Variants in PTPRD observed in about 807,000 individuals in gnomAD.
PTPRD encodes protein tyrosine phosphatase receptor type D.
In PTPRD, 34 loss-of-function variants were observed where a neutral mutation model predicts 214.5. The observed-to-expected ratio is 0.16, with a 90% CI of 0.12 to 0.21. The LOEUF is 0.21. Among genes scored for constraint, PTPRD ranks in the 10% least tolerant of loss-of-function variants. PTPRD has a pLI of 1.00. For missense variants in PTPRD, 2,545 were observed against 2,398.7 expected (o/e 1.06, Z -1.27); for synonymous variants, 1,128 against 845.7 (o/e 1.33, Z -5.79).
intron 8 of PTPRD, among the ~76,000 whole-genome samples, chr9:9,422,541 G>C (rs2079195622): frequency 6.6e-6 from 1 of 152,064 alleles, no homozygotes; most frequent in African/African-American, 2.4e-5. Context: ...TAAATTCATT[G>C]GACGTAAGAC....
intron 2 of PTPRD, among the ~76,000 whole-genome samples, chr9:10,382,449 T>C (rs994369410): frequency 3.3e-5 from 5 of 152,042 alleles, no homozygotes; most frequent in Middle Eastern, 3.4e-3. Flanking sequence ...TAGCCATTTT[T>C]ATTTCCACAA....
chr9:9,664,933 T>C (rs928445528), intron 7 of PTPRD, among the ~76,000 whole-genome samples: 1 of 151,748 alleles, frequency 6.6e-6, no homozygotes, highest in Non-Finnish European at 1.5e-5. Flanking sequence ...CAGAAACTTG[T>C]ATTTTAAAAT....
At chr9:9,819,617 C>T (rs78362025) in intron 5 of PTPRD, among the ~76,000 whole-genome samples, 15,104 of 152,094 alleles carry the variant, frequency 0.099, 2,284 homozygotes, top group East Asian at 0.74. Flanking sequence ...CACCCAGGTA[C>T]TGAGCATAGT....
intron 10 of PTPRD, among the ~76,000 whole-genome samples, chr9:9,104,521 A>C (rs890865374): frequency 6.6e-6 from 1 of 152,184 alleles, no homozygotes; most frequent in Non-Finnish European, 1.5e-5. Flanking sequence ...TCAAATTTGC[A>C]AAACCGTTAT....
In PTPRD at chr9:8,316,913, T is replaced by TCAG. The variant is rs899395030; in HGVS notation, c.*960_*961insCTG. 1.1e-4 allele frequency: 24 copies of TCAG among 227,134 alleles called. No homozygotes were observed. Among genetic ancestry groups the TCAG allele is most frequent in the Non-Finnish European group, 9.6e-5 (11 of 114,638 alleles). The allele number at this position is 227,134 out of a possible 1,614,324, so 14.1% of individuals were successfully genotyped here. On this transcript the variant is annotated 3_prime_UTR_variant, in exon 46 of 46. Coordinates refer to ENST00000381196, the MANE Select transcript of PTPRD (RefSeq NM_002839.4). Reference sequence around the variant, plus strand: ...AAGAACTGACTGACTGATAACTGTATCTATTTTTTGTGTGGACACACTGTC... The same window carrying TCAG: ...AAGAACTGACTGACTGATAACTGTATCAGCTATTTTTTGTGTGGACACACTGTC...
At chr9:9,927,298 T>C (rs1227167817) in intron 5 of PTPRD, among the ~76,000 whole-genome samples, 1 of 152,140 alleles carries the variant, frequency 6.6e-6, no homozygotes. Context: ...TCAATCTCTG[T>C]GTTTTCTTTT....
intron 21 of PTPRD, among the ~76,000 whole-genome samples, chr9:8,512,500 A>G (rs2097701814): frequency 6.6e-6 from 1 of 152,062 alleles, no homozygotes; most frequent in Admixed American, 6.5e-5. Flanking sequence ...GCCTGTTGAC[A>G]TACACTAATG....
At chr9:9,765,747 ACCT>A (rs1157744924) in intron 6 of PTPRD, among the ~76,000 whole-genome samples, 5 of 151,638 alleles carry the variant, frequency 3.3e-5, no homozygotes, top group African/African-American at 1.2e-4. Context: ...TGCAAGCTTC[ACCT>A]CCTGGGTTCA....
At chr9:9,464,898 C>T (rs2094002670) in intron 8 of PTPRD, among the ~76,000 whole-genome samples, 1 of 152,138 alleles carries the variant, frequency 6.6e-6, no homozygotes, top group South Asian at 2.1e-4. Flanking sequence ...GTTAATTAAG[C>T]ATGTCCAATG....
intron 5 of PTPRD, among the ~76,000 whole-genome samples, chr9:9,891,680 C>G (rs1344537234): frequency 6.6e-6 from 1 of 151,798 alleles, no homozygotes; most frequent in Admixed American, 6.6e-5. Context: ...GATCACTGGT[C>G]AAATATACAC....
intron 2 of PTPRD, among the ~76,000 whole-genome samples, chr9:10,357,480 G>T (rs1232889363): frequency 6.6e-6 from 1 of 152,132 alleles, no homozygotes; most frequent in Non-Finnish European, 1.5e-5. Context: ...CCAGTAAAAT[G>T]GAATAAGATT....
chr9:9,526,346 C>T (rs865785068), intron 8 of PTPRD, among the ~76,000 whole-genome samples: 2 of 152,258 alleles, frequency 1.3e-5, no homozygotes, highest in Admixed American at 6.5e-5. Flanking sequence ...GGGCACTTAT[C>T]TAGGCTAGGT....
At chr9:9,796,715 G>T (rs1348727048) in intron 5 of PTPRD, among the ~76,000 whole-genome samples, 1 of 152,148 alleles carries the variant, frequency 6.6e-6, no homozygotes, top group African/African-American at 2.4e-5. Flanking sequence ...AAGTCGGAAA[G>T]GACTTCATGA....
intron 10 of PTPRD, among the ~76,000 whole-genome samples, chr9:9,166,319 C>T (rs1427699141): frequency 2.0e-5 from 3 of 152,048 alleles, no homozygotes; most frequent in Non-Finnish European, 4.4e-5. Flanking sequence ...ATGTCCAAAA[C>T]TGACTCTCTT....
chr9:8,594,632 T>A (rs532425159), intron 14 of PTPRD, among the ~76,000 whole-genome samples: 1 of 151,998 alleles, frequency 6.6e-6, no homozygotes, highest in Non-Finnish European at 1.5e-5. Context: ...CCTCACAAGA[T>A]CATGGTTTTA....
intron 4 of PTPRD, among the ~76,000 whole-genome samples, chr9:10,002,582 T>G (rs1232352177): frequency 1.3e-5 from 2 of 150,982 alleles, no homozygotes; most frequent in Admixed American, 1.3e-4. Flanking sequence ...AAAATTTTAC[T>G]AGCACAAAAG....
At position 8,605,181 on chromosome 9, in the gene PTPRD, C is replaced by T. The variant is rs528356037; in HGVS notation, c.352+28136G>A. ...AAAGCATTTTGCCAACATAATATGC[C>T]TCAGCAGACCTTAAAATAATGAAGT... On this transcript the variant is annotated intron_variant, in intron 14 of 45. Coordinates refer to ENST00000381196, the MANE Select transcript of PTPRD (RefSeq NM_002839.4). 2.6e-5 allele frequency among the ~76,000 whole-genome samples: 4 copies of T among 152,188 alleles called. No individual in the cohort carries two copies. In the East Asian group the frequency reaches 7.7e-4, roughly 29 times the overall value.
chr9:10,593,582 T>C, intron 2 of PTPRD, among the ~76,000 whole-genome samples: 1 of 152,026 alleles, frequency 6.6e-6, no homozygotes, highest in African/African-American at 2.4e-5. Flanking sequence ...ATCTGTGTTC[T>C]TGTTCTAAAT....
At chr9:9,538,202 G>C (rs932653609) in intron 8 of PTPRD, among the ~76,000 whole-genome samples, 4 of 151,764 alleles carry the variant, frequency 2.6e-5, no homozygotes, top group Non-Finnish European at 5.9e-5. Context: ...TAGATTGCTA[G>C]CAGTGAAAGA....
Sources: allele counts gnomAD v4.1 joint callset (sites outside exome capture counted in the v4.1 genomes callset), GRCh38; gene constraint gnomAD v4.1.1; transcripts MANE v1.5; gene names NCBI Gene and HGNC (gene_info 2026-07-23, HGNC 2026-07-21).